WWOX: variants seen among roughly 807,000 people sequenced by gnomAD.
The protein encoded by WWOX is WW domain-containing oxidoreductase.
WWOX carries 69 observed loss-of-function variants against 46.2 expected under a neutral mutation model. The ratio of observed to expected loss-of-function variants is 1.49; its 90% CI spans 1.23 to 1.82. The LOEUF (loss-of-function observed/expected upper bound fraction) is 1.82. Ranked by LOEUF, WWOX falls within the 40% of genes most tolerant of loss-of-function variation. The pLI, the probability that WWOX is intolerant of heterozygous loss-of-function variation, is 0.00. For missense variants in WWOX, 919 were observed against 542.6 expected (o/e 1.69, Z -6.89); for synonymous variants, 359 against 202.6 (o/e 1.77, Z -6.56).
At chr16:78,925,922 C>G (rs73583229) in intron 8 of WWOX, among the ~76,000 whole-genome samples, 3,275 of 152,206 alleles carry the variant, frequency 0.022, 127 homozygotes, top group African/African-American at 0.075. Flanking sequence ...GAATGTGGGA[C>G]TGTTTCAGAC....
intron 8 of WWOX, among the ~76,000 whole-genome samples, chr16:79,069,830 C>G (rs546940664): frequency 6.6e-6 from 1 of 152,182 alleles, no homozygotes; most frequent in Admixed American, 6.5e-5. Context: ...GTTAGTTAGT[C>G]TCAGATAAGA....
intron 5 of WWOX, among the ~76,000 whole-genome samples, chr16:78,359,859 T>G (rs1205456365): frequency 6.6e-6 from 1 of 152,212 alleles, no homozygotes; most frequent in Non-Finnish European, 1.5e-5. Context: ...GACTTAATTT[T>G]GTTTTGACAC....
Position 79,212,214 on chromosome 16 carries a change from A to T in WWOX, c.*418A>T, listed in dbSNP as rs1017188049. On this transcript the variant is annotated 3_prime_UTR_variant, in exon 9 of 9. Transcript: ENST00000566780. ...GCCTTCTCCTACTTAGGGAAGAAAA[A>T]GCAAGTGTTCACTGCTCCTTGCTGC... The T allele has an allele frequency of 7.0e-7, 1 of 1,437,608 alleles. No individual in the cohort carries two copies. Among genetic ancestry groups the T allele is most frequent in the African/African-American group, 1.4e-5 (1 of 69,664 alleles). 89.1% of individuals were successfully genotyped at this position (1,437,608 alleles called of 1,614,324 possible). A position where few individuals can be genotyped will look rare whatever the true frequency, so the allele number is the denominator to read the frequency against.
At chr16:78,775,343 C>T (rs2142534710) in intron 8 of WWOX, among the ~76,000 whole-genome samples, 1 of 152,266 alleles carries the variant, frequency 6.6e-6, no homozygotes, top group South Asian at 2.1e-4. Context: ...CATCCCCTCC[C>T]CACCCCCACG....
At chr16:78,726,169 C>T (rs1213090215) in intron 8 of WWOX, among the ~76,000 whole-genome samples, 1 of 141,648 alleles carries the variant, frequency 7.1e-6, no homozygotes, top group African/African-American at 2.6e-5. Flanking sequence ...TTCTGTGTCT[C>T]TCTTTTCTCT....
At chr16:78,823,086 TA>T (rs2051549908) in intron 8 of WWOX, among the ~76,000 whole-genome samples, 1 of 152,244 alleles carries the variant, frequency 6.6e-6, no homozygotes, top group Non-Finnish European at 1.5e-5. Context: ...ACACTTTCAG[TA>T]GCTCTTCGTT....
At chr16:78,137,318 A>G (rs561059262) in intron 4 of WWOX, among the ~76,000 whole-genome samples, 1 of 152,164 alleles carries the variant, frequency 6.6e-6, no homozygotes, top group African/African-American at 2.4e-5. Context: ...TTTGACGTCT[A>G]TGCTTTCCAG....
chr16:78,849,176 C>T (rs936921417), intron 8 of WWOX, among the ~76,000 whole-genome samples: 1 of 152,172 alleles, frequency 6.6e-6, no homozygotes, highest in African/African-American at 2.4e-5. Flanking sequence ...TCTGCCCAAA[C>T]ATACAAGAGT....
Position 78,989,398 on chromosome 16 carries a change from C to T in WWOX, c.1057-222210C>T, listed in dbSNP as rs892099203. Among the ~76,000 whole-genome samples the T allele has an allele frequency of 3.3e-5, 5 of 152,120 alleles. No homozygotes were observed. The East Asian group carries it at 7.7e-4, about 23-fold the overall frequency. ...TAGAATGGCCCTGATGCAGTCAAAC[C>T]ACCCTGCAGAATCTTAACAGCACCA... On this transcript the variant is annotated intron_variant, in intron 8 of 8. Transcript: ENST00000566780.
At chr16:78,833,677 C>T (rs73577480) in intron 8 of WWOX, among the ~76,000 whole-genome samples, 1,992 of 152,286 alleles carry the variant, frequency 0.013, 48 homozygotes, top group African/African-American at 0.045. Flanking sequence ...CTATATGGTG[C>T]TTAGAGATTT....
chr16:78,299,475 T>C (rs566706953), intron 5 of WWOX, among the ~76,000 whole-genome samples: 4 of 152,254 alleles, frequency 2.6e-5, no homozygotes, highest in African/African-American at 9.6e-5. Flanking sequence ...TGCACATCTG[T>C]TGAGCTGTGA....
chr16:79,188,911 C>T (rs1597458968), intron 8 of WWOX, among the ~76,000 whole-genome samples: 2 of 152,156 alleles, frequency 1.3e-5, no homozygotes, highest in Admixed American at 1.3e-4. Context: ...AGCTAACATG[C>T]ACCAGAGGGA....
Position 78,360,529 on chromosome 16 carries a change from G to A in WWOX, c.517-26331G>A, listed in dbSNP as rs572369509. Among the ~76,000 whole-genome samples, 5 of 148,906 alleles carry A rather than the reference G, an allele frequency of 3.4e-5. No individual in the cohort carries two copies. The East Asian group carries it at 9.8e-4, about 29-fold the overall frequency. The stretch of plus-strand genomic sequence containing the variant: ...GAAGCTGGGAGCTGGAGGCTGCAGT[G>A]AGCCAAGCGGAGTGCCACTGCACTC... On this transcript the variant is annotated intron_variant, in intron 5 of 8. Coordinates refer to ENST00000566780, the MANE Select transcript of WWOX (RefSeq NM_016373.4).
chr16:78,211,249 T>C (rs2036550469), intron 5 of WWOX, among the ~76,000 whole-genome samples: 1 of 152,172 alleles, frequency 6.6e-6, no homozygotes, highest in Non-Finnish European at 1.5e-5. Context: ...AAGGCGATGG[T>C]AGAACCGCTG....
chr16:78,450,147 G>A (rs1182471538), intron 8 of WWOX, among the ~76,000 whole-genome samples: 2 of 152,088 alleles, frequency 1.3e-5, no homozygotes, highest in African/African-American at 4.8e-5. Context: ...GTATAATAAA[G>A]TATCTAATTT....
intron 8 of WWOX, among the ~76,000 whole-genome samples, chr16:78,933,891 C>G (rs72806768): frequency 5.3e-5 from 8 of 150,584 alleles, no homozygotes; most frequent in Admixed American, 5.3e-4. Context: ...ACAGCTAAAC[C>G]ATATCAAAAC....
intron 8 of WWOX, among the ~76,000 whole-genome samples, chr16:78,904,889 C>G (rs1490934847): frequency 6.6e-6 from 1 of 152,130 alleles, no homozygotes; most frequent in Non-Finnish European, 1.5e-5. Flanking sequence ...GCACACACAC[C>G]TTTCTTTTAT....
rs116371344 is a variant in WWOX, at chr16:79,054,807, A to G, written c.1057-156801A>G. 5.6e-3 allele frequency among the ~76,000 whole-genome samples: 857 copies of G among 152,302 alleles called. 10 individuals carry two copies. The highest frequency in any genetic ancestry group is 0.019 in the African/African-American group (805 of 41,562). ...CACCACCGCACTCCAGCCTGGATGA[A>G]AGAGTATGACCTTTGTCTCAAAACA... is the stretch of plus-strand genomic sequence containing the variant. On this transcript the variant is annotated intron_variant, in intron 8 of 8. Transcript: ENST00000566780.
intron 8 of WWOX, among the ~76,000 whole-genome samples, chr16:79,179,720 C>A (rs2050872146): frequency 1.3e-5 from 2 of 152,170 alleles, no homozygotes; most frequent in Non-Finnish European, 2.9e-5. Flanking sequence ...TGGCCAGGCT[C>A]AGTGAATCCA....
Sources: gnomAD v4.1 joint callset for allele counts (sites outside exome capture counted in the v4.1 genomes callset) on GRCh38, gnomAD v4.1.1 for gene constraint, MANE v1.5 for transcripts, NCBI Gene and HGNC (gene_info 2026-07-23, HGNC 2026-07-21) for gene names.